NTNG1: variants seen among roughly 807,000 people sequenced by gnomAD.
The protein encoded by NTNG1 is netrin G1.
A neutral mutation model predicts 54.0 loss-of-function variants in NTNG1; 16 were observed. That is an observed-to-expected ratio of 0.30 (90% confidence interval 0.20 to 0.45). The LOEUF (loss-of-function observed/expected upper bound fraction) is 0.45, where lower values mean the gene tolerates loss of function less well. Ranked by LOEUF, NTNG1 falls within the 20% of genes least tolerant of loss-of-function variation. The pLI is 1.00. For missense variants in NTNG1, 530 were observed against 678.7 expected, an observed-to-expected ratio of 0.78 and a Z score of 2.43; for synonymous variants, 255 against 263.1, an observed-to-expected ratio of 0.97 and a Z score of 0.30.
chr1:107,247,889 G>C (rs1662306285), intron 2 of NTNG1, among the ~76,000 whole-genome samples: 1 of 152,208 alleles, frequency 6.6e-6, no homozygotes, highest in South Asian at 2.1e-4. Flanking sequence ...AGCCAGTGCA[G>C]TGAAGTCAGT....
At chr1:107,398,433 G>A (rs1672823769) in intron 4 of NTNG1, among the ~76,000 whole-genome samples, 1 of 152,152 alleles carries the variant, frequency 6.6e-6, no homozygotes, top group Non-Finnish European at 1.5e-5. Context: ...ATGGGAACTT[G>A]CTGGGAGTCA....
chr1:107,357,984 C>T (rs1364586282), intron 3 of NTNG1, among the ~76,000 whole-genome samples: 2 of 152,074 alleles, frequency 1.3e-5, no homozygotes, highest in Non-Finnish European at 2.9e-5. Flanking sequence ...TAAGTCAAAT[C>T]GTTTCTTTTA....
chr1:107,325,067 C>A, intron 3 of NTNG1, 145 bp downstream of exon 3: 1 of 769,716 alleles, frequency 1.3e-6, no homozygotes, highest in Non-Finnish European at 2.0e-6. Context: ...GTTCTGAAGG[C>A]ATTCTGAGAT....
At chr1:107,194,261 G>T (rs781194755) in intron 2 of NTNG1, among the ~76,000 whole-genome samples, 3 of 151,970 alleles carry the variant, frequency 2.0e-5, no homozygotes, top group Non-Finnish European at 2.9e-5. Context: ...TTTTTGGATG[G>T]TTATATCAGA....
intron 2 of NTNG1, among the ~76,000 whole-genome samples, chr1:107,156,309 TC>T (rs1654993046): frequency 6.6e-6 from 1 of 152,206 alleles, no homozygotes; most frequent in Non-Finnish European, 1.5e-5. Context: ...TACTGAAATC[TC>T]TCTCTTTTTC....
chr1:107,197,178 A>G (rs1231402068), intron 2 of NTNG1, among the ~76,000 whole-genome samples: 1 of 151,918 alleles, frequency 6.6e-6, no homozygotes, highest in Non-Finnish European at 1.5e-5. Flanking sequence ...ATATGTCTGT[A>G]TGATACCCTT....
chr1:107,319,115 TA>T (rs1335806819), intron 2 of NTNG1, among the ~76,000 whole-genome samples: 8 of 152,154 alleles, frequency 5.3e-5, no homozygotes, highest in African/African-American at 1.9e-4. Flanking sequence ...AACTAAGCTA[TA>T]AGACCTGAAG....
At chr1:107,143,596 G>A (rs1653898321) in intron 1 of NTNG1, among the ~76,000 whole-genome samples, 1 of 152,080 alleles carries the variant, frequency 6.6e-6, no homozygotes, top group African/African-American at 2.4e-5. Flanking sequence ...GAATTATATT[G>A]TATAGGAGAT....
chr1:107,204,912 T>TA (rs1659062702), intron 2 of NTNG1, among the ~76,000 whole-genome samples: 1 of 152,128 alleles, frequency 6.6e-6, no homozygotes. Flanking sequence ...GAGCAGGTGA[T>TA]ACGGGAGTTA....
chr1:107,254,619 A>G (rs1055981186), intron 2 of NTNG1, among the ~76,000 whole-genome samples: 6 of 152,224 alleles, frequency 3.9e-5, no homozygotes, highest in African/African-American at 1.4e-4. Context: ...TCAAGGGGTG[A>G]CTGCCTGCAC....
chr1:107,280,348 T>C (rs1664767062), intron 2 of NTNG1, among the ~76,000 whole-genome samples: 2 of 151,982 alleles, frequency 1.3e-5, no homozygotes, highest in East Asian at 3.9e-4. Context: ...AATCTCTGTA[T>C]TATTAACCTC....
intron 3 of NTNG1, among the ~76,000 whole-genome samples, chr1:107,360,678 T>C (rs540663131): frequency 6.6e-6 from 1 of 152,364 alleles, no homozygotes; most frequent in Admixed American, 6.5e-5. Context: ...TGAAATTTTA[T>C]CTGCATTATC....
In NTNG1 at chr1:107,480,741, C is replaced by T. The variant is rs1678645713; in HGVS notation, c.1521C>T (p.Ser507=). Reference sequence around the variant, plus strand: ...AGCTGCGGTGCGAGGAGGCTGGCAGCTGCGGCTCCGACTCTGGCCAGGGCG... The same window carrying T: ...AGCTGCGGTGCGAGGAGGCTGGCAGTTGCGGCTCCGACTCTGGCCAGGGCG... ...CEKLRCEEAG[S]CGSDSGQGAP... Residue 507 remains serine (S), a synonymous_variant, in exon 8 of 8, where the codon AGC becomes AGT. Coordinates refer to ENST00000370068, the MANE Select transcript of NTNG1 (RefSeq NM_001113226.3). 21 of 1,609,064 alleles carry T rather than the reference C, an allele frequency of 1.3e-5. No individual in the cohort carries two copies. Among genetic ancestry groups the T allele is most frequent in the Non-Finnish European group, 1.7e-5 (20 of 1,179,112 alleles).
chr1:107,252,410 T>G (rs902614829), intron 2 of NTNG1, among the ~76,000 whole-genome samples: 1 of 152,208 alleles, frequency 6.6e-6, no homozygotes, highest in Non-Finnish European at 1.5e-5. Context: ...GCTTAATGTT[T>G]ACTGAATGGC....
intron 3 of NTNG1, among the ~76,000 whole-genome samples, chr1:107,390,515 CTCACAAATT>C (rs1672295320): frequency 6.6e-6 from 1 of 152,246 alleles, no homozygotes; most frequent in African/African-American, 2.4e-5. Context: ...TTTATGATAT[CTCACAAATT>C]TCATAGCGTC....
At chr1:107,192,930 T>C (rs567338966) in intron 2 of NTNG1, among the ~76,000 whole-genome samples, 1 of 152,178 alleles carries the variant, frequency 6.6e-6, no homozygotes, top group Admixed American at 6.6e-5. Flanking sequence ...TTCAACATAA[T>C]TAAATTGTTT....
intron 3 of NTNG1, among the ~76,000 whole-genome samples, chr1:107,333,786 G>A (rs182707092): frequency 7.3e-5 from 11 of 149,932 alleles, no homozygotes; most frequent in South Asian, 2.1e-4. Context: ...TGAGACTGTC[G>A]TAGAGAAAGA....
At chr1:107,298,412 G>A (rs903423773) in intron 2 of NTNG1, among the ~76,000 whole-genome samples, 3 of 152,082 alleles carry the variant, frequency 2.0e-5, no homozygotes, top group Non-Finnish European at 2.9e-5. Flanking sequence ...TATTTCTGGG[G>A]TGAGGACAAG....
chr1:107,480,584 A>T, intron 7 of NTNG1, 27 bp from the exon 8 acceptor site: 1 of 215,838 alleles, frequency 4.6e-6, no homozygotes, highest in South Asian at 4.8e-5. Flanking sequence ...GCGCCCACCC[A>T]CCCCTACCTT....
Sources: gnomAD v4.1 joint callset for allele counts (sites outside exome capture counted in the v4.1 genomes callset) on GRCh38, gnomAD v4.1.1 for gene constraint, MANE v1.5 for transcripts, NCBI Gene and HGNC (gene_info 2026-07-23, HGNC 2026-07-21) for gene names.